CRYM: variants seen among roughly 807,000 people sequenced by gnomAD.
CRYM encodes crystallin mu, also known as ketimine reductase mu-crystallin.
Under a neutral mutation model 32.9 loss-of-function variants are expected in CRYM, and 18 were observed. The ratio of observed to expected loss-of-function variants is 0.55; its 90% CI spans 0.38 to 0.81. CRYM has a LOEUF of 0.81. Ranked by LOEUF, CRYM falls within the 30% of genes least tolerant of loss-of-function variation. The pLI, the probability that CRYM is intolerant of heterozygous loss-of-function variation, is 0.00. For synonymous variants in CRYM, 153 were observed against 152.4 expected (o/e 1.00, Z -0.03); for missense variants, 337 against 393.5 (o/e 0.86, Z 1.21).
chr16:21,261,400 G>T, intron 6 of CRYM, 62 bp from the exon 7 acceptor site: 1 of 1,223,764 alleles, frequency 8.2e-7, no homozygotes. Context: ...GTTGGCTTTT[G>T]AAGCCAGCCC....
intron 1 of CRYM, among the ~76,000 whole-genome samples, chr16:21,290,274 A>G (rs1960603257): frequency 6.6e-6 from 1 of 152,176 alleles, no homozygotes; most frequent in Non-Finnish European, 1.5e-5. Flanking sequence ...CGAAGGTTGT[A>G]GGCTTCATTC....
intron 3 of CRYM, among the ~76,000 whole-genome samples, chr16:21,274,023 G>A (rs1458491931): frequency 2.7e-5 from 4 of 147,130 alleles, no homozygotes; most frequent in African/African-American, 4.8e-5. Context: ...AGAAAACCTC[G>A]ACATGCAACC....
At chr16:21,260,429 A>G (rs2152861086) in intron 7 of CRYM, among the ~76,000 whole-genome samples, 1 of 152,228 alleles carries the variant, frequency 6.6e-6, no homozygotes, top group South Asian at 2.1e-4. Context: ...CCTCCCAAGT[A>G]GCTGGGATTG....
intron 3 of CRYM, among the ~76,000 whole-genome samples, chr16:21,273,469 C>G (rs1197745037): frequency 6.6e-6 from 1 of 152,184 alleles, no homozygotes; most frequent in Non-Finnish European, 1.5e-5. Context: ...TTTATTAATG[C>G]AACAAAGCAG....
Position 21,262,209 on chromosome 16 carries a change from C to G in CRYM, c.674-51G>C, listed in dbSNP as rs760385602. On this transcript the variant is annotated intron_variant, in intron 5 of 7. Coordinates refer to ENST00000572914, the MANE Select transcript of CRYM (RefSeq NM_001376256.1). The stretch of plus-strand genomic sequence containing the variant: ...AGCCCAGGATTAGTGCCAAAGGCTG[C>G]TAAGAAGCCCAAAGCACAGGAGAGA... The G allele has an allele frequency of 2.5e-6, 4 of 1,612,178 alleles. No individual in the cohort carries two copies. In the South Asian group the frequency reaches 4.4e-5, roughly 18 times the overall value.
intron 5 of CRYM, among the ~76,000 whole-genome samples, chr16:21,266,146 C>T (rs571974489): frequency 2.0e-5 from 3 of 152,228 alleles, no homozygotes; most frequent in Non-Finnish European, 4.4e-5. Context: ...AGTCACTTAA[C>T]ATGGGAGGTG....
chr16:21,299,330 A>G lies in CRYM; in HGVS notation c.-193+3648T>C, dbSNP rs188028568. Among the ~76,000 whole-genome samples the G allele has an allele frequency of 9.3e-4, 141 of 151,866 alleles. 2 individuals carry two copies. The highest frequency in any genetic ancestry group is 2.6e-3 in the African/African-American group (107 of 41,392). On this transcript the variant is annotated intron_variant, in intron 1 of 9. Coordinates refer to the CRYM transcript ENST00000219599. ...TTTAATTTTTTTTTTACTTTTTGAA[A>G]CAGAGTCTCACTCTGTCACCCAGGT... is the stretch of plus-strand genomic sequence containing the variant.
At chr16:21,301,851 A>G (rs1960949508) in intron 1 of CRYM, among the ~76,000 whole-genome samples, 1 of 152,132 alleles carries the variant, frequency 6.6e-6, no homozygotes, top group Admixed American at 6.5e-5. Context: ...CGCGCCCTTC[A>G]GCGGCGGAGG....
At chr16:21,259,012 G>A (rs2093349469) in intron 7 of CRYM, among the ~76,000 whole-genome samples, 167 bp from the exon 8 acceptor site, 1 of 152,178 alleles carries the variant, frequency 6.6e-6, no homozygotes, top group Non-Finnish European at 1.5e-5. Flanking sequence ...TGTCTGCAAA[G>A]GGGCAGAGAA....
At chr16:21,266,680 G>A (rs2093364347) in intron 5 of CRYM, among the ~76,000 whole-genome samples, 1 of 152,120 alleles carries the variant, frequency 6.6e-6, no homozygotes, top group South Asian at 2.1e-4. Flanking sequence ...TTTTAGAATT[G>A]AGCTGTGAAT....
chr16:21,282,910 T>C (rs1257925518), upstream of CRYM, among the ~76,000 whole-genome samples: 2 of 152,130 alleles, frequency 1.3e-5, no homozygotes, highest in East Asian at 1.9e-4. Context: ...TTAGGTGTTA[T>C]TGAGGTTTAT....
At chr16:21,259,266 T>C (rs1432003489) in intron 7 of CRYM, among the ~76,000 whole-genome samples, 1 of 123,518 alleles carries the variant, frequency 8.1e-6, no homozygotes, top group Non-Finnish European at 1.6e-5. Context: ...GCCTGGCTAA[T>C]TTTTTTTTTT....
chr16:21,280,697 A>G (rs972199724), upstream of CRYM, among the ~76,000 whole-genome samples: 1 of 152,234 alleles, frequency 6.6e-6, no homozygotes, highest in Non-Finnish European at 1.5e-5. Flanking sequence ...CTTAAAGAAA[A>G]AAGCTATGTT....
intron 4 of CRYM, among the ~76,000 whole-genome samples, chr16:21,269,207 G>A (rs1293023230): frequency 6.7e-6 from 1 of 149,410 alleles, no homozygotes; most frequent in Non-Finnish European, 1.5e-5. Context: ...TCACCTAATA[G>A]TCTATATTTC....
Position 21,278,222 on chromosome 16 carries a change from C to G in CRYM, c.30G>C (p.Ala10=). The change falls in exon 1 of 8, where the codon GCG becomes GCC. Residue 10 remains alanine, a synonymous_variant. Transcript: ENST00000572914. ...TGCGGAGGTGTTCCTCCACCTCGGC[C>G]GCGCTCAGGAACGCTGGTACCCGGC... MSRVPAFLS[A]AEVEEHLRSS... is the part of the protein sequence containing the mutation. 5.1e-6 allele frequency: 8 copies of G among 1,574,174 alleles called. No individual in the cohort carries two copies. Among genetic ancestry groups the G allele is most frequent in the Non-Finnish European group, 6.0e-6 (7 of 1,162,250 alleles).
rs2733911 is a variant in CRYM at position 21,275,378 on chromosome 16, C to T, written c.387+154G>A. Among the ~76,000 whole-genome samples, 40,836 of 152,076 alleles carry T rather than the reference C, an allele frequency of 0.27. 5,931 individuals carry two copies. Among genetic ancestry groups the T allele is most frequent in the African/African-American group, 0.36 (14,996 of 41,440 alleles). ...CACACTAATTGGTAGCTAATAATTT[C>T]GTGAATTACTGATATATCTGACATC... On this transcript the variant is annotated intron_variant, in intron 3 of 7. Transcript: ENST00000572914.
At chr16:21,278,399 G>C (rs2093392104), upstream of CRYM, 1 of 957,362 alleles carries the variant, frequency 1.0e-6, no homozygotes, top group Non-Finnish European at 1.6e-6. Context: ...GCCCCGCCCC[G>C]CCAGCCCTCT....
At chr16:21,296,666 G>A (rs1013154155) in intron 1 of CRYM, among the ~76,000 whole-genome samples, 1 of 152,208 alleles carries the variant, frequency 6.6e-6, no homozygotes, top group Non-Finnish European at 1.5e-5. Flanking sequence ...AAGTCAGATC[G>A]AGTGCAGATT....
chr16:21,275,737 C>A, intron 2 of CRYM, 143 bp from the exon 3 acceptor site: 1 of 689,714 alleles, frequency 1.4e-6, no homozygotes, highest in Non-Finnish European at 2.6e-6. Context: ...GGATCCGATT[C>A]CTCCACTTAC....
Sources: gnomAD v4.1 joint callset for allele counts (sites outside exome capture counted in the v4.1 genomes callset) on GRCh38, gnomAD v4.1.1 for gene constraint, MANE v1.5 for transcripts, NCBI Gene and HGNC (gene_info 2026-07-23, HGNC 2026-07-21) for gene names.